Variants in CENPP observed in about 807,000 individuals in gnomAD.
CENPP encodes centromere protein P.
Under a neutral mutation model 35.6 loss-of-function variants are expected in CENPP, and 24 were observed. The ratio of observed to expected loss-of-function variants is 0.67; its 90% CI spans 0.49 to 0.95. The LOEUF (loss-of-function observed/expected upper bound fraction) is 0.95, where lower values mean the gene tolerates loss of function less well. Among genes scored for constraint, CENPP ranks in the 40% least tolerant of loss-of-function variants. The pLI, the probability that CENPP is intolerant of heterozygous loss-of-function variation, is 0.00. For missense variants in CENPP, 332 were observed against 345.3 expected (o/e 0.96, Z 0.31); for synonymous variants, 120 against 125.5 (o/e 0.96, Z 0.29).
intron 5 of CENPP, among the ~76,000 whole-genome samples, chr9:92,396,691 A>G (rs1842906501): frequency 6.6e-6 from 1 of 151,648 alleles, no homozygotes; most frequent in South Asian, 2.1e-4. Flanking sequence ...CAGCCTCTCA[A>G]GTAACTGGGA....
chr9:92,449,740 G>C (rs1220312576), intron 5 of CENPP, among the ~76,000 whole-genome samples: 2 of 152,018 alleles, frequency 1.3e-5, no homozygotes, highest in East Asian at 1.9e-4. Flanking sequence ...TCATTTAAAA[G>C]TGTGTGGCAC....
At chr9:92,389,609 G>A (rs1413468117) in intron 5 of CENPP, 3 of 318,002 alleles carry the variant, frequency 9.4e-6, no homozygotes, top group Non-Finnish European at 1.7e-5. Context: ...ATGAACAAGT[G>A]AAAAAATGAG....
At chr9:92,500,256 C>T (rs1846590019) in intron 5 of CENPP, among the ~76,000 whole-genome samples, 1 of 152,144 alleles carries the variant, frequency 6.6e-6, no homozygotes, top group Non-Finnish European at 1.5e-5. Context: ...CATCCCGGCT[C>T]ACTGCAACCT....
chr9:92,353,790 G>A (rs145620864), intron 4 of CENPP, among the ~76,000 whole-genome samples: 30 of 152,340 alleles, frequency 2.0e-4, no homozygotes, highest in African/African-American at 7.0e-4. Flanking sequence ...CACTAGGGGT[G>A]TTGGTGAGTG....
intron 5 of CENPP, among the ~76,000 whole-genome samples, chr9:92,396,506 T>TTCTC (rs1842896427): frequency 6.6e-6 from 1 of 152,048 alleles, no homozygotes; most frequent in African/African-American, 2.4e-5. Context: ...TATATATAGG[T>TTCTC]CTTCTTTATT....
At chr9:92,351,965 ATGT>A (rs1186174040) in intron 4 of CENPP, among the ~76,000 whole-genome samples, 3 of 149,640 alleles carry the variant, frequency 2.0e-5, no homozygotes, top group South Asian at 2.1e-4. Context: ...GCTGAGTGTA[ATGT>A]TGTCAAGGTT....
At chr9:92,414,150 A>G (rs986350367) in intron 5 of CENPP, 1 of 171,444 alleles carries the variant, frequency 5.8e-6, no homozygotes, top group East Asian at 1.1e-4. Context: ...AGTGATTTTT[A>G]AGGTTTTAAA....
intron 4 of CENPP, among the ~76,000 whole-genome samples, chr9:92,364,903 A>T (rs1255518035): frequency 6.6e-6 from 1 of 152,206 alleles, no homozygotes; most frequent in Non-Finnish European, 1.5e-5. Flanking sequence ...AGTGCCTTGT[A>T]CATGGTTGGT....
At chr9:92,534,105 G>A (rs1473351606) in intron 5 of CENPP, among the ~76,000 whole-genome samples, 1 of 152,076 alleles carries the variant, frequency 6.6e-6, no homozygotes, top group Non-Finnish European at 1.5e-5. Context: ...GACTGTTCAA[G>A]GGTACATTTT....
intron 5 of CENPP, chr9:92,401,253 T>TCACAGA (rs1843099963): frequency 2.7e-6 from 2 of 736,896 alleles, no homozygotes; most frequent in African/African-American, 3.6e-5. Flanking sequence ...AATGAAGGGA[T>TCACAGA]CACAGACACC....
intron 5 of CENPP, among the ~76,000 whole-genome samples, chr9:92,572,000 T>G (rs935332613): frequency 6.6e-6 from 1 of 151,532 alleles, no homozygotes; most frequent in Non-Finnish European, 1.5e-5. Context: ...ATGAGATGGG[T>G]CTCCTGAATA....
At chr9:92,359,836 C>G (rs2130830771) in intron 4 of CENPP, among the ~76,000 whole-genome samples, 2 of 150,900 alleles carry the variant, frequency 1.3e-5, no homozygotes, top group South Asian at 4.2e-4. Context: ...TGTGTGTAAG[C>G]TGCTCTGGTT....
intron 5 of CENPP, among the ~76,000 whole-genome samples, chr9:92,586,431 C>T (rs1413023060): frequency 6.6e-6 from 1 of 152,112 alleles, no homozygotes; most frequent in African/African-American, 2.4e-5. Context: ...AATCCAAAAA[C>T]CCTCGAAGGA....
At chr9:92,434,575 A>G (rs1043628236) in intron 5 of CENPP, among the ~76,000 whole-genome samples, 1 of 152,210 alleles carries the variant, frequency 6.6e-6, no homozygotes, top group East Asian at 1.9e-4. Flanking sequence ...ATAAGCTTAC[A>G]AATTTCTGAT....
chr9:92,447,430 C>T lies in CENPP; in HGVS notation c.564+67571C>T, dbSNP rs1844582182. On this transcript the variant is annotated intron_variant, in intron 5 of 7. Transcript: ENST00000375587. ...CATGTGTGGTTCATAATAGGGTTTG[C>T]ACTCCTATGAGAATCTAATGTCACT... is the stretch of plus-strand genomic sequence containing the variant. Among the ~76,000 whole-genome samples the T allele has an allele frequency of 2.0e-5, 3 of 152,030 alleles. No individual in the cohort carries two copies. In the South Asian group the frequency reaches 6.2e-4, roughly 32 times the overall value.
At chr9:92,527,075 C>T (rs2131264195) in intron 5 of CENPP, among the ~76,000 whole-genome samples, 1 of 152,312 alleles carries the variant, frequency 6.6e-6, no homozygotes, top group East Asian at 1.9e-4. Context: ...GTGGCACCAT[C>T]TCAGCTCACT....
chr9:92,496,185 A>G, intron 5 of CENPP: 1 of 1,397,106 alleles, frequency 7.2e-7, no homozygotes, highest in Non-Finnish European at 9.2e-7. Context: ...TCTGTGTGTT[A>G]GTGAATCAGG....
chr9:92,341,299 C>T (rs1164066833), intron 3 of CENPP, among the ~76,000 whole-genome samples: 1 of 152,170 alleles, frequency 6.6e-6, no homozygotes, highest in Admixed American at 6.5e-5. Context: ...TCTTGCCCTG[C>T]CTCCACTTGC....
At chr9:92,564,929 A>C (rs895515560) in intron 5 of CENPP, among the ~76,000 whole-genome samples, 3 of 152,228 alleles carry the variant, frequency 2.0e-5, no homozygotes, top group African/African-American at 7.2e-5. Context: ...CTGCCCTACG[A>C]AAATGTTTGT....
Sources: gnomAD v4.1 joint callset for allele counts (sites outside exome capture counted in the v4.1 genomes callset) on GRCh38, gnomAD v4.1.1 for gene constraint, MANE v1.5 for transcripts, NCBI Gene and HGNC (gene_info 2026-07-23, HGNC 2026-07-21) for gene names.